The following ZBED6 variants were observed in gnomAD, a reference collection of about 807,000 sequenced individuals.
ZBED6 encodes the protein zinc finger BED domain-containing protein 6.
ZBED6 carries 40 observed loss-of-function variants against 58.4 expected under a neutral mutation model. The observed-to-expected ratio is 0.68, with a 90% CI of 0.53 to 0.89. The LOEUF is 0.89. Ranked by LOEUF, ZBED6 falls within the 40% of genes least tolerant of loss-of-function variation. The pLI is 0.00. For synonymous variants in ZBED6, 439 were observed against 350.6 expected (o/e 1.25, Z -2.82); for missense variants, 1,057 against 1,003.9 (o/e 1.05, Z -0.71).
At chr1:203,809,142 T>C (rs1286955781) in intron 1 of ZBED6, among the ~76,000 whole-genome samples, 2 of 150,932 alleles carry the variant, frequency 1.3e-5, no homozygotes, top group Non-Finnish European at 2.9e-5. Context: ...AGTTTTCTTA[T>C]TATTTTTGAA....
chr1:203,803,004 G>A (rs1670996256), exon 1 of ZBED6: 2 of 152,534 alleles, frequency 1.3e-5, no homozygotes, highest in Non-Finnish European at 2.9e-5. Flanking sequence ...CCTGTTCAGA[G>A]CAACCAGCTA....
chr1:203,833,760 G>A, intron 8 of ZBED6, 31 bp from the exon 9 acceptor site: 1 of 1,597,752 alleles, frequency 6.3e-7, no homozygotes, highest in Non-Finnish European at 8.5e-7. Context: ...AATTGACTAA[G>A]GATAGAGAAA....
At chr1:203,815,722 T>C (rs1270898352) in intron 1 of ZBED6, among the ~76,000 whole-genome samples, 2 of 152,218 alleles carry the variant, frequency 1.3e-5, no homozygotes, top group Non-Finnish European at 1.5e-5. Flanking sequence ...CATCATGGCA[T>C]ACCATTCTTG....
At chr1:203,821,762 GTT>G (rs201404414) in intron 3 of ZBED6, among the ~76,000 whole-genome samples, 1 of 141,652 alleles carries the variant, frequency 7.1e-6, no homozygotes. Flanking sequence ...TTTTGGTTTT[GTT>G]TTTTTTTTTT....
chr1:203,823,802 G>A (rs1009572376), intron 3 of ZBED6, among the ~76,000 whole-genome samples: 7 of 152,122 alleles, frequency 4.6e-5, no homozygotes, highest in Admixed American at 2.0e-4. Flanking sequence ...GTAAAATACT[G>A]GAAATAACCT....
intron 1 of ZBED6, among the ~76,000 whole-genome samples, chr1:203,810,803 T>A (rs926439736): frequency 8.5e-5 from 13 of 152,170 alleles, no homozygotes; most frequent in Admixed American, 3.3e-4. Context: ...TTCTCCACAC[T>A]CTGCCCAACT....
At chr1:203,800,333 T>C (rs1335215849) in exon 1 of ZBED6, 4 of 887,554 alleles carry the variant, frequency 4.5e-6, no homozygotes, top group Non-Finnish European at 7.2e-6. Context: ...ACTTTGACAA[T>C]ATAGAACAAC....
chr1:203,823,573 C>T (rs1392491952), intron 3 of ZBED6, among the ~76,000 whole-genome samples: 3 of 152,182 alleles, frequency 2.0e-5, no homozygotes, highest in African/African-American at 4.8e-5. Flanking sequence ...TAACTTGGAG[C>T]GTCTAAAAGC....
At chr1:203,821,634 A>C (rs1415019230) in intron 3 of ZBED6, among the ~76,000 whole-genome samples, 1 of 152,128 alleles carries the variant, frequency 6.6e-6, no homozygotes, top group African/African-American at 2.4e-5. Context: ...GAATAATGGT[A>C]TATAGAAGTT....
At chr1:203,799,767 C>T (rs1370496148) in exon 1 of ZBED6, 1 of 955,928 alleles carries the variant, frequency 1.0e-6, no homozygotes. Flanking sequence ...ATCTCTGAAA[C>T]TTGAAACAGA....
In ZBED6 at chr1:203,799,331, G is replaced by A. The variant is rs563731315; in HGVS notation, c.1809G>A (p.Glu603=). Residue 603 remains glutamate, a synonymous_variant, in exon 1 of 17, where the codon GAG becomes GAA. Transcript: ENST00000550078. ...TTTTCTGCGAGCACAAAAGCATTGAGAATATGTTAGTGGCTGCCAGGAAAA... is the reference window on the plus strand; with the variant it reads ...TTTTCTGCGAGCACAAAAGCATTGAAAATATGTTAGTGGCTGCCAGGAAAA... The A allele has an allele frequency of 2.4e-5, 17 of 707,060 alleles. No individual in the cohort carries two copies. In the African/African-American group the frequency reaches 3.0e-4, roughly 12 times the overall value. The allele number at this position is 707,060 out of a possible 1,614,324, so 43.8% of individuals were successfully genotyped here.
intron 14 of ZBED6, 141 bp downstream of exon 14, chr1:203,850,167 A>G (rs1210071075): frequency 1.3e-6 from 1 of 749,234 alleles, no homozygotes; most frequent in Non-Finnish European, 2.2e-6. Context: ...TATTTCTGAT[A>G]TTTTTATACA....
At chr1:203,811,433 G>C (rs964862439) in intron 1 of ZBED6, among the ~76,000 whole-genome samples, 1 of 152,110 alleles carries the variant, frequency 6.6e-6, no homozygotes, top group African/African-American at 2.4e-5. Context: ...TTCTAAAACC[G>C]GTAACAGTTT....
chr1:203,805,608 A>T, intron 1 of ZBED6: 1 of 653,396 alleles, frequency 1.5e-6, no homozygotes, highest in Non-Finnish European at 2.9e-6. Context: ...TGATGTACTT[A>T]AATGCAAATG....
chr1:203,851,547 C>T (rs1053067480), intron 16 of ZBED6, among the ~76,000 whole-genome samples: 9 of 152,060 alleles, frequency 5.9e-5, no homozygotes, highest in South Asian at 2.1e-4. Flanking sequence ...CCAGGGTGGT[C>T]TCAAACTCCT....
At chr1:203,796,237 A>T (rs1558084067) in exon 1 of ZBED6, 7 of 393,726 alleles carry the variant, frequency 1.8e-5, no homozygotes, top group Non-Finnish European at 4.5e-6. Flanking sequence ...CTCACTGCCT[A>T]AATCAATCAG....
intron 9 of ZBED6, 143 bp from the exon 10 acceptor site, chr1:203,837,823 C>T: frequency 1.3e-6 from 1 of 748,230 alleles, no homozygotes; most frequent in Non-Finnish European, 2.2e-6. Context: ...TAACATTGAA[C>T]TCTAAGGAAG....
chr1:203,829,030 G>T (rs1681426392), intron 4 of ZBED6, among the ~76,000 whole-genome samples: 3 of 152,272 alleles, frequency 2.0e-5, no homozygotes, highest in African/African-American at 7.2e-5. Context: ...AAATTTGATG[G>T]CTACATCTTT....
exon 15 of ZBED6, chr1:203,850,607 G>A (rs766948649): frequency 1.9e-6 from 3 of 1,614,128 alleles, no homozygotes; most frequent in East Asian, 4.5e-5. Context: ...GATGCACGCT[G>A]CTGTCATTGC....
Sources: gnomAD v4.1 joint callset for allele counts (sites outside exome capture counted in the v4.1 genomes callset) on GRCh38, gnomAD v4.1.1 for gene constraint, MANE v1.5 for transcripts, NCBI Gene and HGNC (gene_info 2026-07-23, HGNC 2026-07-21) for gene names.